Variants in DPP10 observed in about 807,000 individuals in gnomAD.
DPP10 encodes the protein dipeptidyl peptidase like 10.
A neutral mutation model predicts 120.9 loss-of-function variants in DPP10; 33 were observed. The observed-to-expected ratio is 0.27, with a 90% CI of 0.21 to 0.37. DPP10 has a LOEUF of 0.37. Among genes scored for constraint, DPP10 ranks in the 10% least tolerant of loss-of-function variants. The pLI is 1.00. For synonymous variants in DPP10, 337 were observed against 326.1 expected (o/e 1.03, Z -0.36); for missense variants, 816 against 942.8 (o/e 0.87, Z 1.76).
intron 25 of DPP10, among the ~76,000 whole-genome samples, chr2:115,841,860 T>G (rs1690183618): frequency 6.6e-6 from 1 of 152,166 alleles, no homozygotes; most frequent in South Asian, 2.1e-4. Flanking sequence ...CTGGAAAGTT[T>G]TCTAAACTAA....
At chr2:114,631,672 C>T (rs1264566330) in intron 1 of DPP10, among the ~76,000 whole-genome samples, 3 of 152,174 alleles carry the variant, frequency 2.0e-5, no homozygotes, top group Non-Finnish European at 2.9e-5. Flanking sequence ...TAAACTAAAT[C>T]ATACATATCA....
At chr2:115,485,253 A>G (rs1223775464) in intron 3 of DPP10, among the ~76,000 whole-genome samples, 2 of 149,844 alleles carry the variant, frequency 1.3e-5, no homozygotes, top group Non-Finnish European at 3.0e-5. Context: ...AAAAAAAAAA[A>G]AAACAAACAA....
chr2:114,481,026 G>A (rs1325221335), intron 1 of DPP10, among the ~76,000 whole-genome samples: 2 of 150,406 alleles, frequency 1.3e-5, no homozygotes, highest in African/African-American at 4.9e-5. Context: ...AGCAGTTAGG[G>A]GAAAAAAAAA....
chr2:115,126,730 A>G (rs1038733083), intron 1 of DPP10, among the ~76,000 whole-genome samples: 1 of 152,058 alleles, frequency 6.6e-6, no homozygotes, highest in Non-Finnish European at 1.5e-5. Context: ...TCTTTTCTCA[A>G]CCTAACCTTT....
intron 1 of DPP10, among the ~76,000 whole-genome samples, chr2:115,096,633 ATATGATGGGCT>A (rs1427279432): frequency 1.3e-5 from 2 of 152,198 alleles, no homozygotes; most frequent in African/African-American, 4.8e-5. Context: ...TAATTTGAAC[ATATGATGGGCT>A]TATCAGGAGA....
chr2:115,144,875 C>CT (rs2051136885), intron 1 of DPP10: 1 of 151,998 alleles, frequency 6.6e-6, no homozygotes, highest in African/African-American at 2.4e-5. Flanking sequence ...CAGCTCCCTT[C>CT]TTCCAAGTGT....
intron 1 of DPP10, among the ~76,000 whole-genome samples, chr2:114,884,454 T>C (rs1011338162): frequency 5.3e-5 from 8 of 152,088 alleles, no homozygotes; most frequent in Non-Finnish European, 1.0e-4. Context: ...CCCCTTCAAT[T>C]CCTCCAGGCC....
At chr2:115,641,915 T>C (rs1047975121) in intron 5 of DPP10, among the ~76,000 whole-genome samples, 1 of 152,160 alleles carries the variant, frequency 6.6e-6, no homozygotes, top group Non-Finnish European at 1.5e-5. Flanking sequence ...AAATGGAACA[T>C]AGTAGTTGGA....
intron 1 of DPP10, among the ~76,000 whole-genome samples, chr2:114,730,860 G>C (rs1676838432): frequency 6.6e-6 from 1 of 151,578 alleles, no homozygotes; most frequent in Non-Finnish European, 1.5e-5. Flanking sequence ...AAAGTGCTGG[G>C]ATTACAGGCC....
chr2:114,676,629 C>T (rs1052900159), intron 1 of DPP10, among the ~76,000 whole-genome samples: 5 of 151,938 alleles, frequency 3.3e-5, no homozygotes, highest in South Asian at 4.1e-4. Context: ...TGTCAGATTC[C>T]GATTCATATG....
rs926599243 is a variant in DPP10 at position 114,656,035 on chromosome 2, G to A, written c.60+213197G>A. Among the ~76,000 whole-genome samples, 11 of 152,120 alleles carry A rather than the reference G, an allele frequency of 7.2e-5. No individual in the cohort carries two copies. In the East Asian group the frequency reaches 2.1e-3, roughly 29 times the overall value. ...TTCCTAAGGTGAATTGACTACAGGG[G>A]GCATAGTTCTATCTAAGGAATAATT... On this transcript the variant is annotated intron_variant, in intron 1 of 25. Coordinates refer to ENST00000410059, the MANE Select transcript of DPP10 (RefSeq NM_020868.6).
At chr2:115,259,498 A>G (rs2059155439) in intron 1 of DPP10, among the ~76,000 whole-genome samples, 1 of 151,564 alleles carries the variant, frequency 6.6e-6, no homozygotes, top group East Asian at 1.9e-4. Flanking sequence ...AAAAAAAAAA[A>G]GAAAGAAAGA....
chr2:115,053,611 T>C (rs72835704), intron 1 of DPP10, among the ~76,000 whole-genome samples: 22,272 of 152,234 alleles, frequency 0.15, 1,731 homozygotes, highest in African/African-American at 0.21. Context: ...GTTAAAATGG[T>C]AAATTTTATC....
intron 5 of DPP10, among the ~76,000 whole-genome samples, chr2:115,594,526 G>T (rs2082873166): frequency 6.6e-6 from 1 of 152,146 alleles, no homozygotes; most frequent in Non-Finnish European, 1.5e-5. Context: ...ATTAACTCCT[G>T]TTCTTCCCGA....
At chr2:115,662,147 T>C (rs1362718657) in intron 5 of DPP10, among the ~76,000 whole-genome samples, 1 of 152,232 alleles carries the variant, frequency 6.6e-6, no homozygotes, top group Non-Finnish European at 1.5e-5. Flanking sequence ...TTTATTTTAC[T>C]AAGCTTAATG....
chr2:115,593,849 G>C (rs2082829838), intron 5 of DPP10, among the ~76,000 whole-genome samples: 1 of 152,102 alleles, frequency 6.6e-6, no homozygotes. Context: ...AGGAATCATT[G>C]TTCATATAGG....
chr2:114,693,671 G>C (rs918191288), intron 1 of DPP10, among the ~76,000 whole-genome samples: 4 of 151,934 alleles, frequency 2.6e-5, no homozygotes, highest in African/African-American at 9.7e-5. Flanking sequence ...CCTGAAATAT[G>C]TTTTCCAACT....
intron 21 of DPP10, among the ~76,000 whole-genome samples, chr2:115,820,424 T>A (rs1048121263): frequency 8.5e-5 from 13 of 152,052 alleles, no homozygotes; most frequent in Non-Finnish European, 1.6e-4. Flanking sequence ...TGAATTGATT[T>A]TTTTTTCTTT....
chr2:115,642,631 C>G (rs922175065), intron 5 of DPP10, among the ~76,000 whole-genome samples: 2 of 152,006 alleles, frequency 1.3e-5, no homozygotes, highest in Admixed American at 6.6e-5. Flanking sequence ...TTCAATCTCT[C>G]TATCTCCCTC....
Sources: allele counts gnomAD v4.1 joint callset (sites outside exome capture counted in the v4.1 genomes callset), GRCh38; gene constraint gnomAD v4.1.1; transcripts MANE v1.5; gene names NCBI Gene and HGNC (gene_info 2026-07-23, HGNC 2026-07-21).